FSTL5: variants seen among roughly 807,000 people sequenced by gnomAD.
FSTL5 encodes the protein follistatin-related protein 5.
A neutral mutation model predicts 89.1 loss-of-function variants in FSTL5; 62 were observed. The ratio of observed to expected loss-of-function variants is 0.70; its 90% CI spans 0.57 to 0.86. The LOEUF is 0.86. Ranked by LOEUF, FSTL5 falls within the 40% of genes least tolerant of loss-of-function variation. FSTL5 has a pLI of 0.00. For synonymous variants in FSTL5, 383 were observed against 346.2 expected, an observed-to-expected ratio of 1.11 and a Z score of -1.18; for missense variants, 1,057 against 1,001.6, an observed-to-expected ratio of 1.06 and a Z score of -0.75.
chr4:161,465,568 AC>A (rs1264686970), intron 13 of FSTL5, among the ~76,000 whole-genome samples: 24 of 152,162 alleles, frequency 1.6e-4, no homozygotes, highest in Non-Finnish European at 2.9e-4. Context: ...GACAAGTGCC[AC>A]CACAACCGGC....
chr4:161,880,224 T>C (rs1191338462), intron 4 of FSTL5, among the ~76,000 whole-genome samples: 2 of 152,256 alleles, frequency 1.3e-5, no homozygotes, highest in East Asian at 3.9e-4. Flanking sequence ...TGTTCCATGA[T>C]ATAGTCATTT....
intron 2 of FSTL5, among the ~76,000 whole-genome samples, chr4:162,080,308 G>A (rs1730043932): frequency 6.7e-6 from 1 of 149,824 alleles, no homozygotes; most frequent in East Asian, 1.9e-4. Flanking sequence ...TGTATTTAAT[G>A]TGTCTCCTAA....
intron 6 of FSTL5, among the ~76,000 whole-genome samples, chr4:161,702,992 C>T (rs1360710659): frequency 1.3e-5 from 2 of 151,962 alleles, no homozygotes; most frequent in Non-Finnish European, 2.9e-5. Flanking sequence ...TCTAATCCAT[C>T]TAGTTGATGT....
intron 13 of FSTL5, among the ~76,000 whole-genome samples, chr4:161,461,238 G>T: frequency 6.7e-6 from 1 of 148,596 alleles, no homozygotes. Context: ...AGGCGGATCA[G>T]GAGGTCAGGA....
intron 1 of FSTL5, among the ~76,000 whole-genome samples, chr4:162,117,335 G>T (rs1470001879): frequency 6.6e-6 from 1 of 152,172 alleles, no homozygotes; most frequent in African/African-American, 2.4e-5. Flanking sequence ...AGAAGAGAAA[G>T]GGGGAATAAC....
At chr4:162,002,036 A>C (rs981994163) in intron 3 of FSTL5, among the ~76,000 whole-genome samples, 3 of 152,026 alleles carry the variant, frequency 2.0e-5, no homozygotes, top group Non-Finnish European at 4.4e-5. Flanking sequence ...GTTGAGTTAA[A>C]AGTTTAGCAT....
chr4:161,547,348 T>C (rs1732042175), intron 8 of FSTL5, among the ~76,000 whole-genome samples: 1 of 152,036 alleles, frequency 6.6e-6, no homozygotes, highest in Admixed American at 6.6e-5. Flanking sequence ...TTGATTTTCC[T>C]ATTATCTCAA....
At chr4:161,970,082 T>G (rs1011353283) in intron 3 of FSTL5, among the ~76,000 whole-genome samples, 4 of 152,056 alleles carry the variant, frequency 2.6e-5, no homozygotes, top group African/African-American at 4.8e-5. Flanking sequence ...TTATGTAATG[T>G]TTTGATTGAT....
chr4:162,093,493 A>G (rs1250627491), intron 2 of FSTL5, among the ~76,000 whole-genome samples: 1 of 152,182 alleles, frequency 6.6e-6, no homozygotes, highest in Non-Finnish European at 1.5e-5. Context: ...GAAAAACACA[A>G]TATTGGAGCC....
At chr4:161,662,407 G>T (rs530604755) in intron 6 of FSTL5, among the ~76,000 whole-genome samples, 13 of 152,056 alleles carry the variant, frequency 8.5e-5, no homozygotes, top group South Asian at 2.1e-4. Context: ...AAAATTCCAG[G>T]TTAGACATTT....
At chr4:161,921,593 A>G (rs944406652) in intron 3 of FSTL5, among the ~76,000 whole-genome samples, 3 of 152,104 alleles carry the variant, frequency 2.0e-5, no homozygotes, top group African/African-American at 7.2e-5. Flanking sequence ...TGCAAAAAAG[A>G]AATATTTGAA....
At chr4:162,091,817 A>G (rs1730560550) in intron 2 of FSTL5, among the ~76,000 whole-genome samples, 1 of 152,036 alleles carries the variant, frequency 6.6e-6, no homozygotes. Context: ...AGTTCTCATC[A>G]AAGTGGATTT....
At chr4:161,896,484 C>A (rs114036514) in intron 4 of FSTL5, among the ~76,000 whole-genome samples, 1 of 152,106 alleles carries the variant, frequency 6.6e-6, no homozygotes, top group Non-Finnish European at 1.5e-5. Context: ...CACACCCCTA[C>A]ATTAGATAGT....
intron 7 of FSTL5, among the ~76,000 whole-genome samples, chr4:161,607,309 TC>T (rs1734485652): frequency 6.6e-6 from 1 of 152,198 alleles, no homozygotes; most frequent in Non-Finnish European, 1.5e-5. Flanking sequence ...ATTCTTTTTT[TC>T]TGTGTGCAGC....
intron 8 of FSTL5, among the ~76,000 whole-genome samples, chr4:161,583,685 T>G (rs1255219249): frequency 6.6e-6 from 1 of 152,204 alleles, no homozygotes; most frequent in Non-Finnish European, 1.5e-5. Context: ...ATTAGGACAT[T>G]TGGGCTGCTT....
intron 10 of FSTL5, among the ~76,000 whole-genome samples, chr4:161,536,814 T>C (rs1171552767): frequency 6.6e-6 from 1 of 152,130 alleles, no homozygotes; most frequent in Non-Finnish European, 1.5e-5. Context: ...AAATTAAGAA[T>C]ATAGAGTTGA....
intron 7 of FSTL5, among the ~76,000 whole-genome samples, chr4:161,620,205 G>A (rs1424982780): frequency 2.8e-5 from 3 of 108,710 alleles, no homozygotes; most frequent in Admixed American, 1.2e-4. Flanking sequence ...GGGGGGAGGG[G>A]GGAGGGATAG....
intron 8 of FSTL5, among the ~76,000 whole-genome samples, chr4:161,586,650 G>C (rs1296625626): frequency 6.6e-6 from 1 of 152,074 alleles, no homozygotes; most frequent in Non-Finnish European, 1.5e-5. Context: ...GTGCTACTCT[G>C]TATACTAAAC....
At chr4:161,929,242 T>C (rs891488598) in intron 3 of FSTL5, among the ~76,000 whole-genome samples, 2 of 93,616 alleles carry the variant, frequency 2.1e-5, no homozygotes, top group African/African-American at 7.9e-5. Flanking sequence ...TAATTAGCTT[T>C]GCTTTTTTTT....
Sources: gnomAD v4.1 joint callset for allele counts (sites outside exome capture counted in the v4.1 genomes callset) on GRCh38, gnomAD v4.1.1 for gene constraint, MANE v1.5 for transcripts, NCBI Gene and HGNC (gene_info 2026-07-23, HGNC 2026-07-21) for gene names.